The following ZMYM6 variants were observed in gnomAD, a reference collection of about 807,000 sequenced individuals.
ZMYM6 encodes zinc finger MYM-type protein 6.
Under a neutral mutation model 134.0 loss-of-function variants are expected in ZMYM6, and 90 were observed. That is an observed-to-expected ratio of 0.67 (90% CI 0.57 to 0.80). The LOEUF (loss-of-function observed/expected upper bound fraction) is 0.80, where lower values mean the gene tolerates loss of function less well. Ranked by LOEUF, ZMYM6 falls within the 30% of genes least tolerant of loss-of-function variation. The probability of loss-of-function intolerance (pLI) is 0.00; values close to 1 mark genes in which losing one functional copy is unlikely to be tolerated. For synonymous variants in ZMYM6, 481 were observed against 524.1 expected (o/e 0.92, Z 1.12); for missense variants, 1,362 against 1,533.9 (o/e 0.89, Z 1.87).
Position 34,988,069 on chromosome 1 carries a change from C to T in ZMYM6, c.3013G>A (p.Ala1005Thr). The T allele has an allele frequency of 6.4e-7, 1 of 1,551,538 alleles. No individual in the cohort carries two copies. Among genetic ancestry groups the T allele is most frequent in the South Asian group, 1.2e-5 (1 of 84,060 alleles). Residue 1005 changes from alanine (A) to threonine (T), a missense_variant, in exon 16 of 16, where the codon GCG becomes ACG. Ala to Thr is a moderately conservative substitution (Grantham distance 58). Transcript: ENST00000357182. ...AKIQEVAMNT[A>T]AFTHCFIHRE... ...TGAATAAAACAATGTGTAAATGCCG[C>T]TGTATTCATGGCAACTTCTTGAATT...
Position 34,988,297 on chromosome 1 carries a change from G to A in ZMYM6, c.2785C>T (p.Arg929Cys), listed in dbSNP as rs759171886. The change falls in exon 16 of 16, where the codon CGT becomes TGT. Residue 929 changes from arginine (R) to cysteine (C), a missense_variant. Arg to Cys is a radical substitution (Grantham distance 180). This residue lies in a region of ZMYM6 where 824 missense variants were observed against 940.9 expected (regional missense o/e 0.88). Coordinates refer to ENST00000357182, the MANE Select transcript of ZMYM6 (RefSeq NM_007167.4). ...TCACGACAATCATAATCAATGAAACGAATATAGCACAAAAGAAGTGTGATA... is the reference window on the plus strand; with the variant it reads ...TCACGACAATCATAATCAATGAAACAAATATAGCACAAAAGAAGTGTGATA... ...SNITLLLCYIRFIDYDCRDVK... is the reference protein window; with the variant it reads ...SNITLLLCYICFIDYDCRDVK... 2.3e-5 allele frequency: 36 copies of A among 1,550,696 alleles called. No homozygotes were observed. The highest frequency in any genetic ancestry group is 2.8e-5 in the Non-Finnish European group (32 of 1,146,498).
At chr1:35,022,234 C>T (rs928794979) in intron 2 of ZMYM6, among the ~76,000 whole-genome samples, 2 of 152,020 alleles carry the variant, frequency 1.3e-5, no homozygotes, top group Non-Finnish European at 2.9e-5. Context: ...AAAGAGACTA[C>T]GTGCACAGAT....
intron 15 of ZMYM6, chr1:34,991,989 GTTAAATCACTAATGCT>G (rs1640683913): frequency 2.0e-6 from 1 of 503,920 alleles, no homozygotes; most frequent in Non-Finnish European, 3.5e-6. Context: ...AAAAAAACAG[GTTAAATCACTAATGCT>G]TTTAACTAAA....
chr1:34,997,747 G>A (rs191640821), intron 14 of ZMYM6, among the ~76,000 whole-genome samples: 15 of 152,044 alleles, frequency 9.9e-5, no homozygotes, highest in African/African-American at 3.6e-4. Flanking sequence ...CGGGTTTTGT[G>A]ACATATTTAG....
intron 4 of ZMYM6, chr1:35,017,981 A>C: frequency 6.6e-6 from 1 of 152,228 alleles, no homozygotes; most frequent in South Asian, 2.1e-4. Context: ...TTTCATGAGA[A>C]TGACATAAAA....
In ZMYM6 at chr1:35,014,702, T is replaced by C; in HGVS notation, c.790A>G (p.Lys264Glu). Residue 264 changes from lysine (K) to glutamate (E), a missense_variant, in exon 6 of 16, where the codon AAG becomes GAG. Around this residue, in one of 3 missense-constraint regions of ZMYM6, gnomAD observed 503 missense variants for 520.8 expected, o/e 0.97. Transcript: ENST00000357182. ...VFSSTSVTAY[K>E]QNSAQIPPYA... ...CAACAAATAGATATTCATACCTGCT[T>C]GTATGCCGTGACACTTGTTGAACTA... The C allele has an allele frequency of 1.2e-6, 2 of 1,613,574 alleles. No individual in the cohort carries two copies. The highest frequency in any genetic ancestry group is 1.7e-6 in the Non-Finnish European group (2 of 1,179,724).
intron 14 of ZMYM6, among the ~76,000 whole-genome samples, chr1:34,994,167 G>A (rs924676244): frequency 1.3e-5 from 2 of 152,100 alleles, no homozygotes; most frequent in African/African-American, 4.8e-5. Context: ...TGGAGATACC[G>A]CAGAAAACAA....
chr1:35,001,865 G>C (rs941807240), intron 14 of ZMYM6, among the ~76,000 whole-genome samples: 1 of 152,140 alleles, frequency 6.6e-6, no homozygotes, highest in Admixed American at 6.5e-5. Flanking sequence ...TACAGTGAAG[G>C]CTGGTCTGAT....
chr1:35,015,440 C>G (rs929967338), intron 4 of ZMYM6, among the ~76,000 whole-genome samples: 2 of 151,766 alleles, frequency 1.3e-5, no homozygotes, highest in Non-Finnish European at 2.9e-5. Context: ...ATATAGCCAG[C>G]CAGGGCCAGG....
chr1:35,005,242 G>A lies in ZMYM6; in HGVS notation c.1844C>T (p.Thr615Met), dbSNP rs754911973. The change falls in exon 13 of 16, where the codon ACG becomes ATG. Residue 615 changes from threonine (T) to methionine (M), a missense_variant. Transcript: ENST00000357182. ...VNISKAKTAV[T>M]ELPSARTDTT... ...ATCTGTCCTTGCAGAAGGGAGCTCC[G>A]TCACAGCAGTTTTTGCTTTAGAAAT... The A allele has an allele frequency of 1.2e-5, 20 of 1,613,928 alleles. No individual in the cohort carries two copies. The highest frequency in any genetic ancestry group is 2.2e-5 in the East Asian group (1 of 44,890).
chr1:34,997,373 G>A (rs113963099), intron 14 of ZMYM6, among the ~76,000 whole-genome samples: 2,986 of 152,154 alleles, frequency 0.02, 100 homozygotes, highest in African/African-American at 0.068. Flanking sequence ...GCGTGATCTC[G>A]GCTCACTGCA....
At chr1:34,990,358 C>T in intron 15 of ZMYM6, 1 of 220,392 alleles carries the variant, frequency 4.5e-6, no homozygotes, top group South Asian at 4.8e-5. Context: ...TGGCAGGTGC[C>T]TGTAATCCCA....
chr1:35,030,549 G>C lies in ZMYM6; in HGVS notation c.91C>G (p.Gln31Glu), dbSNP rs1403936698. The change falls in exon 2 of 16, where the codon CAA becomes GAA. Residue 31 changes from glutamine (Q) to glutamate (E), a missense_variant and splice_region_variant. Transcript: ENST00000357182. ...DKIKEEPDNAQEYGCVQQPKT... is the reference protein window; with the variant it reads ...DKIKEEPDNAEEYGCVQQPKT... ...TTAAATGAAGATGAAATGCTTACTTGAGCATTGTCTGGTTCTTCTTTAATT... is the reference window on the plus strand; with the variant it reads ...TTAAATGAAGATGAAATGCTTACTTCAGCATTGTCTGGTTCTTCTTTAATT... 3 of 1,605,872 alleles carry C rather than the reference G, an allele frequency of 1.9e-6. No homozygotes were observed. The highest frequency in any genetic ancestry group is 2.5e-6 in the Non-Finnish European group (3 of 1,178,338).
intron 12 of ZMYM6, among the ~76,000 whole-genome samples, chr1:35,005,730 T>C (rs1376655919): frequency 2.0e-5 from 3 of 151,768 alleles, no homozygotes; most frequent in African/African-American, 7.3e-5. Flanking sequence ...ATGCATCAGA[T>C]AAAAACTTAA....
intron 13 of ZMYM6, among the ~76,000 whole-genome samples, chr1:35,004,405 C>G (rs1192398127): frequency 1.3e-5 from 2 of 151,984 alleles, no homozygotes; most frequent in Non-Finnish European, 2.9e-5. Flanking sequence ...AGGCCAGGAG[C>G]TCTAGACCAG....
At chr1:35,014,317 T>C (rs973320381) in intron 6 of ZMYM6, among the ~76,000 whole-genome samples, 5 of 152,326 alleles carry the variant, frequency 3.3e-5, no homozygotes, top group African/African-American at 1.2e-4. Flanking sequence ...ATTACATTTA[T>C]GAGGCCGAGG....
At chr1:35,008,978 G>A in intron 10 of ZMYM6, 54 bp from the exon 11 acceptor site, 1 of 1,543,960 alleles carries the variant, frequency 6.5e-7, no homozygotes, top group Non-Finnish European at 8.8e-7. Flanking sequence ...TAACTGAGGA[G>A]GTATAATAAG....
At chr1:34,997,890 G>A (rs1640811200) in intron 14 of ZMYM6, among the ~76,000 whole-genome samples, 2 of 152,150 alleles carry the variant, frequency 1.3e-5, no homozygotes, top group South Asian at 4.2e-4. Context: ...TCTTCCATAT[G>A]TCTACTCAGT....
At chr1:35,024,454 C>T (rs557351479) in intron 2 of ZMYM6, among the ~76,000 whole-genome samples, 6 of 152,276 alleles carry the variant, frequency 3.9e-5, no homozygotes, top group South Asian at 4.1e-4. Context: ...TTAAACACAA[C>T]AGACCTCAAA....
Sources: allele counts gnomAD v4.1 joint callset (sites outside exome capture counted in the v4.1 genomes callset), GRCh38; gene constraint gnomAD v4.1.1; regional missense constraint gnomAD v4.1.1; transcripts MANE v1.5; gene names NCBI Gene and HGNC (gene_info 2026-07-23, HGNC 2026-07-21).